ZNF423: variants seen among roughly 807,000 people sequenced by gnomAD.
ZNF423 encodes zinc finger protein 423.
In ZNF423, 12 loss-of-function variants were observed where a neutral mutation model predicts 95.8. That is an observed-to-expected ratio of 0.13 (90% CI 0.08 to 0.20). The LOEUF (loss-of-function observed/expected upper bound fraction) is 0.20. Ranked by LOEUF, ZNF423 falls within the 10% of genes least tolerant of loss-of-function variation. The pLI is 1.00. For missense variants in ZNF423, 1,316 were observed against 1,737.1 expected (o/e 0.76, Z 4.31); for synonymous variants, 749 against 711.9 (o/e 1.05, Z -0.83).
intron 7 of ZNF423, among the ~76,000 whole-genome samples, chr16:49,499,803 G>A (rs1000405338): frequency 6.6e-6 from 1 of 152,182 alleles, no homozygotes; most frequent in South Asian, 2.1e-4. Context: ...CAAGAGGGCA[G>A]GTTCTGTACT....
At chr16:49,815,016 C>T (rs188241061) in intron 1 of ZNF423, among the ~76,000 whole-genome samples, 17 of 152,258 alleles carry the variant, frequency 1.1e-4, no homozygotes, top group Admixed American at 8.5e-4. Flanking sequence ...CAAGCCACGT[C>T]GGGGAGGGCA....
chr16:49,649,262 A>G (rs906275627), intron 3 of ZNF423, among the ~76,000 whole-genome samples: 3 of 152,170 alleles, frequency 2.0e-5, no homozygotes, highest in East Asian at 3.9e-4. Flanking sequence ...AGATTCCAGA[A>G]CTGTGTAACC....
intron 5 of ZNF423, among the ~76,000 whole-genome samples, chr16:49,597,971 C>T (rs370878607): frequency 2.0e-5 from 3 of 152,282 alleles, no homozygotes; most frequent in African/African-American, 7.2e-5. Flanking sequence ...ATAGCTCAAC[C>T]CTCCCTACGG....
Position 49,573,416 on chromosome 16 carries a change from T to C in ZNF423, c.3602-47922A>G, listed in dbSNP as rs369668576. Among the ~76,000 whole-genome samples, 5 of 152,196 alleles carry C rather than the reference T, an allele frequency of 3.3e-5. No individual in the cohort carries two copies. The South Asian group carries it at 1.0e-3, about 32-fold the overall frequency. On this transcript the variant is annotated intron_variant, in intron 5 of 7. Coordinates refer to ENST00000563137, the MANE Select transcript of ZNF423 (RefSeq NM_001379286.1). ...ATAACAGAATGCCACAGACAAGTAA[T>C]TTATCAAGAAAATAAGTTTATTTAG...
chr16:49,639,252 G>A (rs1972884225), intron 3 of ZNF423, among the ~76,000 whole-genome samples: 1 of 152,108 alleles, frequency 6.6e-6, no homozygotes, highest in African/African-American at 2.4e-5. Context: ...AGGCCAAAAG[G>A]AAGACAAGTC....
At position 49,531,282 on chromosome 16, in the gene ZNF423, G is replaced by T. The variant is rs539414036; in HGVS notation, c.3602-5788C>A. On this transcript the variant is annotated intron_variant, in intron 5 of 7. Transcript: ENST00000563137. ...GCACCAGGGACAGCCTGCGGCCTGCGCATCTAGTATCAGGTCAAGTCCTGA... is the reference window on the plus strand; with the variant it reads ...GCACCAGGGACAGCCTGCGGCCTGCTCATCTAGTATCAGGTCAAGTCCTGA... 6.1e-4 allele frequency among the ~76,000 whole-genome samples: 93 copies of T among 151,574 alleles called. 2 individuals carry two copies. The highest frequency in any genetic ancestry group is 2.0e-3 in the African/African-American group (84 of 41,290).
intron 5 of ZNF423, among the ~76,000 whole-genome samples, chr16:49,608,961 G>C (rs1181278122): frequency 6.6e-6 from 1 of 151,984 alleles, no homozygotes; most frequent in Non-Finnish European, 1.5e-5. Flanking sequence ...AGGGAGCCAA[G>C]ACAGTCATAC....
intron 1 of ZNF423, among the ~76,000 whole-genome samples, chr16:49,794,211 G>GT (rs945996895): frequency 4.7e-4 from 69 of 147,032 alleles, no homozygotes; most frequent in African/African-American, 1.3e-3. Flanking sequence ...GATTTTTGTA[G>GT]TTTTTTTTGT....
chr16:49,681,854 C>A lies in ZNF423; in HGVS notation c.302-42980G>T, dbSNP rs78555000. ...AATCATGGTTCACTGCAGCCTCCAC[C>A]TCCCAGGCCCAAGAGATCCTCCCCT... is the stretch of plus-strand genomic sequence containing the variant. On this transcript the variant is annotated intron_variant, in intron 3 of 7. Transcript: ENST00000563137. 4.3e-3 allele frequency among the ~76,000 whole-genome samples: 650 copies of A among 152,308 alleles called. 3 individuals carry two copies. Among genetic ancestry groups the A allele is most frequent in the Middle Eastern group, 0.031 (9 of 294 alleles).
At chr16:49,820,029 G>A (rs186491693) in intron 1 of ZNF423, among the ~76,000 whole-genome samples, 19 of 143,814 alleles carry the variant, frequency 1.3e-4, no homozygotes, top group Admixed American at 6.8e-4. Flanking sequence ...TGAATAGGTG[G>A]ATGGATGGAT....
chr16:49,790,126 A>C (rs986105076), intron 1 of ZNF423, among the ~76,000 whole-genome samples: 3 of 152,232 alleles, frequency 2.0e-5, no homozygotes, highest in African/African-American at 7.2e-5. Flanking sequence ...ATATGGGAGA[A>C]ACACTACACA....
At chr16:49,498,078 T>C (rs11076483) in intron 7 of ZNF423, among the ~76,000 whole-genome samples, 64,932 of 152,050 alleles carry the variant, frequency 0.43, 14,379 homozygotes, top group African/African-American at 0.54. Flanking sequence ...AGTGAACCCC[T>C]GGACAACAGC....
intron 1 of ZNF423, among the ~76,000 whole-genome samples, chr16:49,820,119 C>T (rs911158233): frequency 6.6e-6 from 1 of 151,940 alleles, no homozygotes; most frequent in African/African-American, 2.4e-5. Flanking sequence ...GATGGATGGA[C>T]AGACGGACGG....
chr16:49,801,070 G>C (rs1406619673), intron 1 of ZNF423, among the ~76,000 whole-genome samples: 1 of 152,258 alleles, frequency 6.6e-6, no homozygotes, highest in Non-Finnish European at 1.5e-5. Flanking sequence ...GAACCCACGT[G>C]AATTAAAACA....
intron 1 of ZNF423, among the ~76,000 whole-genome samples, chr16:49,849,778 C>T (rs2035282652): frequency 6.6e-6 from 1 of 152,176 alleles, no homozygotes; most frequent in African/African-American, 2.4e-5. Flanking sequence ...ATTGTTACCT[C>T]CAAAGTCAAC....
intron 3 of ZNF423, among the ~76,000 whole-genome samples, chr16:49,684,692 A>T (rs183375875): frequency 3.1e-4 from 47 of 152,292 alleles, no homozygotes; most frequent in Admixed American, 7.8e-4. Context: ...GCAGCAGTCC[A>T]GTTCATGTAG....
At chr16:49,698,191 T>C (rs776192332) in intron 3 of ZNF423, among the ~76,000 whole-genome samples, 9 of 152,252 alleles carry the variant, frequency 5.9e-5, no homozygotes, top group Non-Finnish European at 8.8e-5. Flanking sequence ...GACTTGTTTG[T>C]TTGTAACATT....
At chr16:49,642,349 T>A (rs1407743479) in intron 3 of ZNF423, among the ~76,000 whole-genome samples, 1 of 152,156 alleles carries the variant, frequency 6.6e-6, no homozygotes, top group African/African-American at 2.4e-5. Context: ...CCCACATCAG[T>A]CATTCACCCA....
chr16:49,702,909 G>GCGCACA (rs1481310854), intron 3 of ZNF423, among the ~76,000 whole-genome samples: 16 of 147,644 alleles, frequency 1.1e-4, no homozygotes, highest in Admixed American at 8.7e-4. Flanking sequence ...GTGTGCACAC[G>GCGCACA]CACACACACA....
Sources: allele counts gnomAD v4.1 joint callset (sites outside exome capture counted in the v4.1 genomes callset), GRCh38; gene constraint gnomAD v4.1.1; transcripts MANE v1.5; gene names NCBI Gene and HGNC (gene_info 2026-07-23, HGNC 2026-07-21).